APC: variants seen among roughly 807,000 people sequenced by gnomAD.
APC encodes APC regulator of Wnt signaling pathway.
In APC, 72 loss-of-function variants were observed where a neutral mutation model predicts 247.0. The observed-to-expected ratio is 0.29, with a 90% CI of 0.24 to 0.35. The LOEUF (loss-of-function observed/expected upper bound fraction) is 0.35. APC is among the 10% of genes least tolerant of loss of function. APC has a pLI of 1.00. For synonymous variants in APC, 1,254 were observed against 1,162.5 expected, an observed-to-expected ratio of 1.08 and a Z score of -1.60; for missense variants, 3,400 against 3,360.7, an observed-to-expected ratio of 1.01 and a Z score of -0.29.
intron 8 of APC, among the ~76,000 whole-genome samples, chr5:112,806,939 C>T (rs1043854566): frequency 3.3e-5 from 5 of 151,938 alleles, no homozygotes; most frequent in African/African-American, 1.2e-4. Context: ...TCGAGACCAG[C>T]CTGGCCAACA....
chr5:112,792,356 C>G, intron 6 of APC, 90 bp from the exon 7 acceptor site: 1 of 850,440 alleles, frequency 1.2e-6, no homozygotes, highest in South Asian at 1.6e-5. Context: ...TGACATAACC[C>G]TGAGCTTTTA....
chr5:112,719,946 C>T (rs191547543), intron 1 of APC, among the ~76,000 whole-genome samples: 144 of 152,196 alleles, frequency 9.5e-4, no homozygotes, highest in African/African-American at 2.8e-3. Flanking sequence ...GGACAAAATA[C>T]GATTTCAAAA....
At chr5:112,776,322 A>G (rs920613395) in intron 5 of APC, among the ~76,000 whole-genome samples, 1 of 152,220 alleles carries the variant, frequency 6.6e-6, no homozygotes, top group Admixed American at 6.5e-5. Flanking sequence ...AGTAAAACAT[A>G]TACTGAAAAG....
chr5:112,725,887 C>T (rs542903080), intron 1 of APC, among the ~76,000 whole-genome samples: 1 of 152,324 alleles, frequency 6.6e-6, no homozygotes, highest in South Asian at 2.1e-4. Flanking sequence ...GGAAAAAGCC[C>T]TTACCGTAGT....
chr5:112,773,834 C>T (rs1757309207), intron 4 of APC, among the ~76,000 whole-genome samples: 1 of 152,006 alleles, frequency 6.6e-6, no homozygotes, highest in Non-Finnish European at 1.5e-5. Flanking sequence ...AAAGGAAATA[C>T]AAATGGTTTA....
At position 112,842,051 on chromosome 5, in the gene APC, G is replaced by T. The variant is rs1196287183; in HGVS notation, c.6457G>T (p.Asp2153Tyr). The change falls in exon 16 of 16, where the codon GAT (aspartate) becomes TAT (tyrosine). Residue 2153 changes from aspartate to tyrosine, a missense_variant. Physicochemically the swap from Asp to Tyr is radical, Grantham distance 160 (BLOSUM62 -3). Coordinates refer to ENST00000257430, the MANE Select transcript of APC (RefSeq NM_000038.6). Reference sequence around the variant, plus strand: ...GGGATCACCATTTCATCTTACACCTGATCAAGAAGAAAAACCCTTTACAAG... The same window carrying T: ...GGGATCACCATTTCATCTTACACCTTATCAAGAAGAAAAACCCTTTACAAG... ...SLGSPFHLTPDQEEKPFTSNK... is the reference protein window; with the variant it reads ...SLGSPFHLTPYQEEKPFTSNK... The T allele has an allele frequency of 1.9e-6, 3 of 1,613,036 alleles. No individual in the cohort carries two copies. The highest frequency in any genetic ancestry group is 2.2e-5 in the East Asian group (1 of 44,862).
chr5:112,754,742 C>A, intron 1 of APC, 131 bp from the exon 2 acceptor site: 1 of 809,442 alleles, frequency 1.2e-6, no homozygotes, highest in Non-Finnish European at 2.0e-6. Flanking sequence ...GTTTTGAGAC[C>A]AAAAACTAGC....
chr5:112,789,308 C>T (rs1484105818), intron 6 of APC, among the ~76,000 whole-genome samples: 1 of 152,110 alleles, frequency 6.6e-6, no homozygotes, highest in African/African-American at 2.4e-5. Context: ...CTTTGAGCAC[C>T]ATGTGGGTGC....
chr5:112,837,901 A>G lies in APC; in HGVS notation c.2307A>G (p.Leu769=), dbSNP rs1561576071. 2 of 1,614,154 alleles carry G rather than the reference A, an allele frequency of 1.2e-6. No individual in the cohort carries two copies. Among genetic ancestry groups the G allele is most frequent in the Non-Finnish European group, 1.7e-6 (2 of 1,180,022 alleles). Residue 769 remains leucine, a synonymous_variant, in exon 16 of 16, where the codon TTA becomes TTG. Transcript: ENST00000257430. ...ALEAELDAQH[L]SETFDNIDNL... ...AAGCAGAATTAGATGCTCAGCACTT[A>G]TCAGAAACTTTTGACAATATAGACA...
At chr5:112,723,515 A>G (rs550642263) in intron 1 of APC, among the ~76,000 whole-genome samples, 2 of 152,230 alleles carry the variant, frequency 1.3e-5, no homozygotes, top group African/African-American at 4.8e-5. Context: ...ATATATATGT[A>G]TTTCACACTG....
At chr5:112,777,175 G>T (rs994732503) in intron 5 of APC, among the ~76,000 whole-genome samples, 1 of 151,964 alleles carries the variant, frequency 6.6e-6, no homozygotes, top group African/African-American at 2.4e-5. Context: ...CAGAATGATG[G>T]CATTTCAGAA....
At chr5:112,771,751 A>G (rs561357630) in intron 4 of APC, among the ~76,000 whole-genome samples, 5 of 152,092 alleles carry the variant, frequency 3.3e-5, no homozygotes, top group African/African-American at 1.2e-4. Flanking sequence ...TTTTTCTGTT[A>G]TATTACTTCT....
intron 11 of APC, among the ~76,000 whole-genome samples, chr5:112,826,551 A>G (rs570651642): frequency 2.6e-4 from 39 of 151,330 alleles, no homozygotes; most frequent in African/African-American, 8.7e-4. Context: ...GTAGTTTTAT[A>G]TAACTTAATA....
chr5:112,748,108 C>T (rs114522489), intron 1 of APC, among the ~76,000 whole-genome samples: 21 of 152,260 alleles, frequency 1.4e-4, no homozygotes, highest in Non-Finnish European at 2.9e-4. Flanking sequence ...TGCCAACCCC[C>T]GCTCCTGGTC....
intron 1 of APC, among the ~76,000 whole-genome samples, chr5:112,740,524 CTTT>C (rs11286305): frequency 1.0e-5 from 1 of 99,132 alleles, no homozygotes; most frequent in Non-Finnish European, 1.9e-5. Flanking sequence ...GTTTTTTTTT[CTTT>C]TTTTTTTTTT....
rs374558349 is a variant in APC, at chr5:112,717,892, T to G, written c.165+10010T>G. 3.0e-5 allele frequency among the ~76,000 whole-genome samples: 4 copies of G among 131,512 alleles called. No homozygotes were observed. The South Asian group carries it at 1.0e-3, about 33-fold the overall frequency. 86.3% of individuals were successfully genotyped at this position (131,512 alleles called of 152,430 possible). A position where few individuals can be genotyped will look rare whatever the true frequency, so the allele number is the denominator to read the frequency against. On this transcript the variant is annotated intron_variant, in intron 1 of 13. Coordinates refer to the APC transcript ENST00000507379. The stretch of plus-strand genomic sequence containing the variant: ...TTATCCTGTCTCTTACCTCTTTTCT[T>G]TTTCTTTTTCTTTTTCTTTTTTTTT...
Position 112,827,126 on chromosome 5 carries a change from C to G in APC, c.1427C>G (p.Ala476Gly), listed in dbSNP as rs1211322279. The change falls in exon 12 of 16, where the codon GCA (alanine) becomes GGA (glycine). Residue 476 changes from alanine to glycine, a missense_variant. Physicochemically the swap from Ala to Gly is moderately conservative, Grantham distance 60. This residue lies in a region of APC where 199 missense variants were observed against 212.5 expected (regional missense o/e 0.94). Coordinates refer to ENST00000257430, the MANE Select transcript of APC (RefSeq NM_000038.6). ...AAATTAGGGGGACTACAGGCCATTG[C>G]AGAATTATTGCAAGTGGACTGTGAA... ...MNELGGLQAI[A>G]ELLQVDCEMY... is the part of the protein sequence containing the mutation. 6.2e-7 allele frequency: 1 copy of G among 1,613,504 alleles called. No individual in the cohort carries two copies. The highest frequency in any genetic ancestry group is 8.5e-7 in the Non-Finnish European group (1 of 1,179,840).
intron 1 of APC, among the ~76,000 whole-genome samples, chr5:112,739,147 A>G (rs1414493945): frequency 1.3e-5 from 2 of 152,260 alleles, no homozygotes; most frequent in Non-Finnish European, 2.9e-5. Flanking sequence ...AATATTTTAA[A>G]TTAAAGCAAC....
rs1554084984 is a variant in APC, at chr5:112,838,985, CAAG to C, written c.3396_3398del (p.Glu1132del). On this transcript the variant is annotated inframe_deletion, in exon 16 of 16. Transcript: ENST00000257430. Reference sequence around the variant, plus strand: ...TCAAAATGTAAGCCAGTCTTTGTGTCAAGAAGATGACTATGAAGATGATAAGCC... The same window carrying C: ...TCAAAATGTAAGCCAGTCTTTGTGTCAAGATGACTATGAAGATGATAAGCC... 6.8e-6 allele frequency: 11 copies of C among 1,613,830 alleles called. No individual in the cohort carries two copies. Among genetic ancestry groups the C allele is most frequent in the Non-Finnish European group, 9.3e-6 (11 of 1,180,002 alleles).
Sources: gnomAD v4.1 joint callset for allele counts (sites outside exome capture counted in the v4.1 genomes callset) on GRCh38, gnomAD v4.1.1 for gene constraint, gnomAD v4.1.1 regional missense constraint, MANE v1.5 for transcripts, NCBI Gene and HGNC (gene_info 2026-07-23, HGNC 2026-07-21) for gene names.